Variants in SLC66A3 observed in about 807,000 individuals in gnomAD.
The protein encoded by SLC66A3 is PQ loop repeat containing 3.
In SLC66A3, 23 loss-of-function variants were observed where a neutral mutation model predicts 25.5. That is an observed-to-expected ratio of 0.90 (90% confidence interval 0.65 to 1.28). The LOEUF (loss-of-function observed/expected upper bound fraction) is 1.28. SLC66A3 is among the 50% of genes most tolerant of loss of function. SLC66A3 has a pLI of 0.00. For synonymous variants in SLC66A3, 108 were observed against 112.6 expected (o/e 0.96, Z 0.26); for missense variants, 246 against 262.1 (o/e 0.94, Z 0.42).
In SLC66A3 at chr2:11,176,621, C is replaced by T. The variant is rs540055704; in HGVS notation, c.518-1116C>T. ...TCGGCTCACTGCAAGCTCCGCCTCC[C>T]GGGTTCACGCCATTCTCCTGCCTCA... is the stretch of plus-strand genomic sequence containing the variant. On this transcript the variant is annotated intron_variant, in intron 6 of 6. Coordinates refer to ENST00000295083, the MANE Select transcript of SLC66A3 (RefSeq NM_152391.5). 4.8e-3 allele frequency among the ~76,000 whole-genome samples: 701 copies of T among 146,966 alleles called. 8 individuals carry two copies. The highest frequency in any genetic ancestry group is 0.015 in the South Asian group (70 of 4,562).
In SLC66A3 at chr2:11,160,631, T is replaced by A; in HGVS notation, c.233T>A (p.Ile78Asn). The change falls in exon 3 of 7, where the codon ATC becomes AAC. Residue 78 changes from isoleucine to asparagine, a missense_variant. By Grantham distance (149) the Ile-to-Asn change is moderately radical (BLOSUM62 -3). Coordinates refer to ENST00000295083, the MANE Select transcript of SLC66A3 (RefSeq NM_152391.5). ...CGGAGCCTCTCTCTTTCAGATGTCA[T>A]CCTCCTGCTCTGTATCTTTCATTTT... The part of the protein sequence containing the change: ...EYPILIAQDV[I>N]LLLCIFHFNG... The A allele has an allele frequency of 6.2e-7, 1 of 1,614,084 alleles. No individual in the cohort carries two copies. Among genetic ancestry groups the A allele is most frequent in the Non-Finnish European group, 8.5e-7 (1 of 1,180,012 alleles).
At chr2:11,162,217 G>C (rs1662152647) in intron 3 of SLC66A3, among the ~76,000 whole-genome samples, 1 of 152,182 alleles carries the variant, frequency 6.6e-6, no homozygotes, top group Non-Finnish European at 1.5e-5. Flanking sequence ...AGGGAGCTGG[G>C]TTCTGGCTGA....
At chr2:11,160,806 A>T in intron 3 of SLC66A3, 112 bp downstream of exon 3, 3 of 870,120 alleles carry the variant, frequency 3.4e-6, no homozygotes, top group Non-Finnish European at 3.0e-6. Flanking sequence ...TAAACTAAAA[A>T]AAAAAAAAAA....
At chr2:11,162,730 C>T (rs1662171310) in intron 3 of SLC66A3, among the ~76,000 whole-genome samples, 1 of 152,130 alleles carries the variant, frequency 6.6e-6, no homozygotes, top group Admixed American at 6.5e-5. Context: ...CCTCAGCCTC[C>T]CGAGTAGCTG....
intron 4 of SLC66A3, among the ~76,000 whole-genome samples, chr2:11,167,265 C>T (rs889681746): frequency 3.3e-5 from 5 of 152,082 alleles, no homozygotes; most frequent in African/African-American, 7.2e-5. Context: ...GTCAAAATGG[C>T]GAAACCCCGT....
Position 11,172,052 on chromosome 2 carries a change from A to G in SLC66A3, c.475+7A>G, listed in dbSNP as rs975214138. 3 of 1,613,552 alleles carry G rather than the reference A, an allele frequency of 1.9e-6. No homozygotes were observed. The highest frequency in any genetic ancestry group is 2.5e-6 in the Non-Finnish European group (3 of 1,179,766). The stretch of plus-strand genomic sequence containing the variant: ...TCTTCCTATACCTGTGCAAGTAAGA[A>G]CCGGACTCACATGGTGGGGAGGCCT... On this transcript the variant is annotated splice_region_variant and intron_variant, in intron 5 of 6. Coordinates refer to ENST00000295083, the MANE Select transcript of SLC66A3 (RefSeq NM_152391.5).
At chr2:11,157,848 C>T (rs1387036576) in intron 1 of SLC66A3, among the ~76,000 whole-genome samples, 1 of 152,206 alleles carries the variant, frequency 6.6e-6, no homozygotes, top group East Asian at 1.9e-4. Context: ...CCCAACCTTG[C>T]TGCTTCTCCT....
At chr2:11,174,842 A>C in intron 5 of SLC66A3, 126 bp from the exon 6 acceptor site, 1 of 549,800 alleles carries the variant, frequency 1.8e-6, no homozygotes, top group Non-Finnish European at 3.1e-6. Context: ...TGTTAAAAAA[A>C]GAATAAAAAT....
At position 11,177,741 on chromosome 2, in the gene SLC66A3, TCTA is replaced by T. The variant is rs768051533; in HGVS notation, c.524_526del (p.Leu175del). 4.4e-6 allele frequency: 7 copies of T among 1,604,196 alleles called. No homozygotes were observed. The African/African-American group carries it at 9.4e-5, about 21-fold the overall frequency. ...ACACTTTTTTTTTTATTTCAGTTCT[TCTA>T]CGTTTTGTGATCATGCTGGCTTTAA... On this transcript the variant is annotated inframe_deletion, in exon 7 of 7. Coordinates refer to ENST00000295083, the MANE Select transcript of SLC66A3 (RefSeq NM_152391.5).
Position 11,155,526 on chromosome 2 carries a change from G to A in SLC66A3, c.-21G>A. ...GGTCCCTTCTCGCTGCGGCCGCCCAGGTGCCCGCGCCCGTGGCGCTATGGA... is the reference window on the plus strand; with the variant it reads ...GGTCCCTTCTCGCTGCGGCCGCCCAAGTGCCCGCGCCCGTGGCGCTATGGA... On this transcript the variant is annotated 5_prime_UTR_variant, in exon 1 of 7. Coordinates refer to ENST00000295083, the MANE Select transcript of SLC66A3 (RefSeq NM_152391.5). The A allele has an allele frequency of 6.7e-7, 1 of 1,484,984 alleles. No homozygotes were observed. The highest frequency in any genetic ancestry group is 8.9e-7 in the Non-Finnish European group (1 of 1,126,038). 92.0% of individuals were successfully genotyped at this position (1,484,984 alleles called of 1,614,324 possible).
chr2:11,165,562 T>C (rs1222594170), intron 4 of SLC66A3, among the ~76,000 whole-genome samples: 1 of 150,596 alleles, frequency 6.6e-6, no homozygotes, highest in African/African-American at 2.5e-5. Flanking sequence ...GCTCCTCACA[T>C]CCCAGACGAT....
At position 11,177,838 on chromosome 2, in the gene SLC66A3, T is replaced by C. The variant is rs1245593702; in HGVS notation, c.*10T>C. The C allele has an allele frequency of 2.7e-6, 4 of 1,488,148 alleles. No individual in the cohort carries two copies. Among genetic ancestry groups the C allele is most frequent in the Admixed American group, 1.7e-5 (1 of 59,508 alleles). 92.2% of individuals were successfully genotyped at this position (1,488,148 alleles called of 1,614,324 possible). On this transcript the variant is annotated 3_prime_UTR_variant, in exon 7 of 7. Coordinates refer to ENST00000295083, the MANE Select transcript of SLC66A3 (RefSeq NM_152391.5). ...TATAAAGGCTGAATGATGGATACAT[T>C]ATTCCTTCACACAGTGGATTTTGAG...
chr2:11,159,476 C>T (rs935565980), intron 1 of SLC66A3, among the ~76,000 whole-genome samples: 6 of 152,192 alleles, frequency 3.9e-5, no homozygotes, highest in African/African-American at 1.2e-4. Flanking sequence ...GGGAGGCCCT[C>T]GTGCTCAGGG....
rs1558257033 is a variant in SLC66A3 at position 11,169,835 on chromosome 2, C to CTTTTTTTTTTTTTTTTTTT, written c.355-2089_355-2088insTTTTTTTTTTTTTTTTTTT. Among the ~76,000 whole-genome samples the CTTTTTTTTTTTTTTTTTTT allele has an allele frequency of 2.4e-5, 2 of 85,104 alleles. 1 individual carries two copies. The allele number at this position is 85,104 out of a possible 152,430, so 55.8% of individuals were successfully genotyped here. On this transcript the variant is annotated intron_variant, in intron 4 of 6. Coordinates refer to ENST00000295083, the MANE Select transcript of SLC66A3 (RefSeq NM_152391.5). ...GAGATTAGAATCACCCTGGATTTCT[C>CTTTTTTTTTTTTTTTTTTT]TCTTTTTTTTTTTTTTTTTTTTGAG...
intron 4 of SLC66A3, among the ~76,000 whole-genome samples, chr2:11,169,591 C>CTGGT (rs1662471796): frequency 6.6e-6 from 1 of 152,130 alleles, no homozygotes. Flanking sequence ...TGTGTCCTTG[C>CTGGT]TGGTTCCTCC....
At chr2:11,158,998 T>C (rs1405954921) in intron 1 of SLC66A3, among the ~76,000 whole-genome samples, 1 of 152,140 alleles carries the variant, frequency 6.6e-6, no homozygotes, top group African/African-American at 2.4e-5. Flanking sequence ...TCATCTTGTA[T>C]GTTCTTGGTG....
intron 1 of SLC66A3, among the ~76,000 whole-genome samples, chr2:11,156,785 G>C (rs1274557784): frequency 6.6e-6 from 1 of 152,150 alleles, no homozygotes; most frequent in African/African-American, 2.4e-5. Context: ...GGTGGGGAGG[G>C]GGGGGTCCCA....
At chr2:11,162,197 G>A (rs1478954992) in intron 3 of SLC66A3, among the ~76,000 whole-genome samples, 1 of 152,206 alleles carries the variant, frequency 6.6e-6, no homozygotes, top group Non-Finnish European at 1.5e-5. Flanking sequence ...TCTGCAGCCT[G>A]TGTCTATGGA....
chr2:11,162,290 AAG>A (rs767748160), intron 3 of SLC66A3, among the ~76,000 whole-genome samples: 1 of 152,232 alleles, frequency 6.6e-6, no homozygotes, highest in Non-Finnish European at 1.5e-5. Context: ...TGTCTGCGGA[AAG>A]AGGGATCGCA....
Sources: gnomAD v4.1 joint callset for allele counts (sites outside exome capture counted in the v4.1 genomes callset) on GRCh38, gnomAD v4.1.1 for gene constraint, MANE v1.5 for transcripts, NCBI Gene and HGNC (gene_info 2026-07-23, HGNC 2026-07-21) for gene names.